PAPPA2: variants seen among roughly 807,000 people sequenced by gnomAD.
PAPPA2 encodes pappalysin 2, also known as pappalysin-2.
In PAPPA2, 86 loss-of-function variants were observed where a neutral mutation model predicts 176.4. The observed-to-expected ratio is 0.49, with a 90% confidence interval of 0.41 to 0.58. The LOEUF is 0.58. Among genes scored for constraint, PAPPA2 ranks in the 20% least tolerant of loss-of-function variants. PAPPA2 has a pLI of 0.00. For missense variants in PAPPA2, 2,073 were observed against 2,256.9 expected, an observed-to-expected ratio of 0.92 and a Z score of 1.65; for synonymous variants, 809 against 852.2, an observed-to-expected ratio of 0.95 and a Z score of 0.88.
rs761208907 is a variant in PAPPA2, at chr1:176,556,393, C to A, written c.71C>A (p.Ser24Tyr). The A allele has an allele frequency of 6.2e-7, 1 of 1,614,196 alleles. No homozygotes were observed. ...GGGTGGGCACTCTGTTCTGCCAACT[C>A]TGAGCTGGGCTGGACACGCAAGAAA... is the stretch of plus-strand genomic sequence containing the variant. ...LAGWALCSAN[S>Y]ELGWTRKKSL... The change falls in exon 2 of 23, where the codon TCT becomes TAT. Residue 24 changes from serine (S) to tyrosine (Y), a missense_variant. Ser to Tyr is a moderately radical substitution (Grantham distance 144). This residue lies in a region of PAPPA2 where 1,196 missense variants were observed against 1,330.4 expected (regional missense o/e 0.90). Coordinates refer to ENST00000367662, the MANE Select transcript of PAPPA2 (RefSeq NM_020318.3).
chr1:176,816,221 A>G (rs1666389618), intron 21 of PAPPA2, among the ~76,000 whole-genome samples: 1 of 79,788 alleles, frequency 1.3e-5, no homozygotes, highest in Admixed American at 1.3e-4. Context: ...CACATATATA[A>G]AATTTATGTG....
At chr1:176,565,894 C>T (rs1442556726) in intron 2 of PAPPA2, among the ~76,000 whole-genome samples, 2 of 152,196 alleles carry the variant, frequency 1.3e-5, no homozygotes, top group Non-Finnish European at 2.9e-5. Context: ...CAAGCTCCCT[C>T]TTCTGGCTTC....
chr1:176,468,113 G>A (rs1337316938), intron 1 of PAPPA2, among the ~76,000 whole-genome samples: 2 of 152,154 alleles, frequency 1.3e-5, no homozygotes, highest in Non-Finnish European at 1.5e-5. Flanking sequence ...GATTCAAGTA[G>A]CTTAGTTTTG....
intron 4 of PAPPA2, among the ~76,000 whole-genome samples, chr1:176,672,653 T>C (rs1004004766): frequency 6.6e-6 from 1 of 152,028 alleles, no homozygotes; most frequent in Non-Finnish European, 1.5e-5. Flanking sequence ...GTGAATCAGA[T>C]TGAGATCCAA....
chr1:176,521,497 C>T (rs949578300), intron 1 of PAPPA2, among the ~76,000 whole-genome samples: 10 of 152,162 alleles, frequency 6.6e-5, no homozygotes, highest in African/African-American at 2.4e-4. Flanking sequence ...CTACCTACAC[C>T]ACATGAAGCA....
At chr1:176,740,482 A>C (rs1210921910) in intron 14 of PAPPA2, among the ~76,000 whole-genome samples, 1 of 152,208 alleles carries the variant, frequency 6.6e-6, no homozygotes, top group Non-Finnish European at 1.5e-5. Context: ...ACCAACTTCA[A>C]ATCAACATTG....
chr1:176,753,943 G>C (rs1171472089), intron 14 of PAPPA2, among the ~76,000 whole-genome samples: 2 of 151,610 alleles, frequency 1.3e-5, no homozygotes, highest in Admixed American at 1.3e-4. Context: ...GATTCCCCTG[G>C]CAGATGATGG....
intron 17 of PAPPA2, among the ~76,000 whole-genome samples, chr1:176,775,570 C>A (rs1012509692): frequency 6.6e-6 from 1 of 152,180 alleles, no homozygotes; most frequent in Non-Finnish European, 1.5e-5. Context: ...GATTACCTCT[C>A]AACAAGCTCA....
At position 176,743,562 on chromosome 1, in the gene PAPPA2, T is replaced by A. The variant is rs892791168; in HGVS notation, c.4151+3366T>A. Among the ~76,000 whole-genome samples the A allele has an allele frequency of 3.7e-4, 57 of 152,302 alleles. 2 individuals are homozygous for A. Among genetic ancestry groups the A allele is most frequent in the Admixed American group, 2.6e-3 (40 of 15,282 alleles). ...CCACAGTATCAGGATCAGGCAAACC[T>A]CCAACCATCCCAGGATTGTGTTGAT... On this transcript the variant is annotated intron_variant, in intron 14 of 22. Coordinates refer to ENST00000367662, the MANE Select transcript of PAPPA2 (RefSeq NM_020318.3).
At position 176,599,805 on chromosome 1, in the gene PAPPA2, A is replaced by G. The variant is rs182238351; in HGVS notation, c.1991+4210A>G. ...TAAATGTCTAATGCTTATTCACAGT[A>G]GAAACCACACTTTTAAATCTCTACC... On this transcript the variant is annotated intron_variant, in intron 3 of 22. Coordinates refer to ENST00000367662, the MANE Select transcript of PAPPA2 (RefSeq NM_020318.3). 3.2e-4 allele frequency among the ~76,000 whole-genome samples: 48 copies of G among 152,080 alleles called. 1 individual carries two copies. The Middle Eastern group carries it at 0.01, about 32-fold the overall frequency.
intron 1 of PAPPA2, among the ~76,000 whole-genome samples, chr1:176,542,251 G>A (rs1325490192): frequency 6.6e-6 from 1 of 152,194 alleles, no homozygotes; most frequent in South Asian, 2.1e-4. Flanking sequence ...ACAAGATTGA[G>A]TGACAGTTTT....
intron 8 of PAPPA2, among the ~76,000 whole-genome samples, chr1:176,701,455 T>G (rs760148825): frequency 1.8e-4 from 28 of 152,228 alleles, no homozygotes; most frequent in Non-Finnish European, 3.8e-4. Flanking sequence ...TAGAAATATC[T>G]GGCATTCTCA....
chr1:176,768,565 T>C (rs1281135618), intron 15 of PAPPA2, among the ~76,000 whole-genome samples: 1 of 152,172 alleles, frequency 6.6e-6, no homozygotes, highest in Non-Finnish European at 1.5e-5. Flanking sequence ...TACTTTCTTT[T>C]CTGCCTTTCT....
At chr1:176,781,387 T>C (rs1026374146) in intron 17 of PAPPA2, among the ~76,000 whole-genome samples, 1 of 139,244 alleles carries the variant, frequency 7.2e-6, no homozygotes, top group African/African-American at 2.7e-5. Context: ...TTTTTTTTTT[T>C]TTTTTTTTTT....
chr1:176,541,985 C>T (rs895596634), intron 1 of PAPPA2, among the ~76,000 whole-genome samples: 2 of 152,130 alleles, frequency 1.3e-5, no homozygotes, highest in South Asian at 2.1e-4. Context: ...ATACCTATCA[C>T]GTTTGTTGAA....
chr1:176,553,527 T>G, intron 1 of PAPPA2: 1 of 149,202 alleles, frequency 6.7e-6, no homozygotes. Flanking sequence ...TGAAGGAGAG[T>G]GGTGAGCAAA....
intron 1 of PAPPA2, among the ~76,000 whole-genome samples, chr1:176,480,485 T>G (rs1431552795): frequency 1.1e-4 from 17 of 151,902 alleles, no homozygotes; most frequent in Non-Finnish European, 2.9e-5. Flanking sequence ...GAAAGGAGAA[T>G]GTAGAATTCC....
At chr1:176,575,623 A>C (rs1316918344) in intron 2 of PAPPA2, among the ~76,000 whole-genome samples, 2 of 152,260 alleles carry the variant, frequency 1.3e-5, no homozygotes, top group Non-Finnish European at 2.9e-5. Context: ...GTTCTGTTCC[A>C]GGCACTGGAG....
chr1:176,676,659 G>A (rs1659314654), intron 4 of PAPPA2, among the ~76,000 whole-genome samples: 1 of 152,012 alleles, frequency 6.6e-6, no homozygotes, highest in Non-Finnish European at 1.5e-5. Context: ...TGTTAATAGT[G>A]ATAGAACAGT....
Sources: gnomAD v4.1 joint callset for allele counts (sites outside exome capture counted in the v4.1 genomes callset) on GRCh38, gnomAD v4.1.1 for gene constraint, gnomAD v4.1.1 regional missense constraint, MANE v1.5 for transcripts, NCBI Gene and HGNC (gene_info 2026-07-23, HGNC 2026-07-21) for gene names.